AGXT2: variants seen among roughly 807,000 people sequenced by gnomAD.
AGXT2 encodes the protein alanine--glyoxylate aminotransferase 2, mitochondrial.
Under a neutral mutation model 62.5 loss-of-function variants are expected in AGXT2, and 61 were observed. The observed-to-expected ratio is 0.98, with a 90% CI of 0.79 to 1.21. The LOEUF is 1.21. Ranked by LOEUF, AGXT2 falls within the 50% of genes most tolerant of loss-of-function variation. The probability of loss-of-function intolerance (pLI) is 0.00; values close to 1 mark genes in which losing one functional copy is unlikely to be tolerated. For missense variants in AGXT2, 666 were observed against 641.5 expected (o/e 1.04, Z -0.41); for synonymous variants, 243 against 218.7 (o/e 1.11, Z -0.98).
chr5:35,032,697 A>G, intron 7 of AGXT2, 35 bp downstream of exon 7: 1 of 1,551,950 alleles, frequency 6.4e-7, no homozygotes, highest in East Asian at 2.3e-5. Context: ...TCCAACTTCC[A>G]ACACTCCACT....
intron 10 of AGXT2, among the ~76,000 whole-genome samples, chr5:35,013,643 G>A (rs1233882652): frequency 2.0e-5 from 3 of 152,136 alleles, no homozygotes; most frequent in African/African-American, 7.2e-5. Flanking sequence ...TTAGCTGGGC[G>A]TGGTGGTGCG....
intron 12 of AGXT2, among the ~76,000 whole-genome samples, chr5:35,006,576 TTGA>T (rs1388562527): frequency 6.6e-6 from 1 of 152,112 alleles, no homozygotes; most frequent in East Asian, 1.9e-4. Flanking sequence ...CACCAAGCCA[TTGA>T]TGAGGAATCC....
intron 7 of AGXT2, among the ~76,000 whole-genome samples, chr5:35,029,887 T>C (rs1767496709): frequency 6.6e-6 from 1 of 152,044 alleles, no homozygotes; most frequent in Non-Finnish European, 1.5e-5. Flanking sequence ...ACATCTAGAT[T>C]AGACTCACAA....
chr5:35,039,638 C>A, intron 2 of AGXT2, 130 bp from the exon 3 acceptor site: 4 of 874,718 alleles, frequency 4.6e-6, no homozygotes, highest in Non-Finnish European at 5.4e-6. Context: ...CTCAGAAGTG[C>A]GTGTACTTAC....
chr5:35,035,804 C>T (rs1014961173), intron 4 of AGXT2, among the ~76,000 whole-genome samples: 13 of 152,118 alleles, frequency 8.5e-5, no homozygotes, highest in African/African-American at 2.2e-4. Flanking sequence ...AAGCCGGGTG[C>T]GGTGGCTCAC....
At position 35,040,615 on chromosome 5, in the gene AGXT2, G is replaced by A. The variant is rs766323433; in HGVS notation, c.137C>T (p.Pro46Leu). 5.0e-6 allele frequency: 8 copies of A among 1,613,966 alleles called. No individual in the cohort carries two copies. The South Asian group carries it at 6.6e-5, about 13-fold the overall frequency. The change falls in exon 2 of 14, where the codon CCC (proline) becomes CTC (leucine). Residue 46 changes from proline to leucine, a missense_variant. By Grantham distance (98) the Pro-to-Leu change is moderately conservative (BLOSUM62 -3). Transcript: ENST00000231420. ...SVTKLSLHTK[P>L]RMPPCDFMPE... ...CATGAAGTCACATGGAGGCATTCTG[G>A]GCTTTGTATGAAGACTGAGCTTGGT...
At position 35,032,251 on chromosome 5, in the gene AGXT2, C is replaced by T. The variant is rs773037292; in HGVS notation, c.769+481G>A. On this transcript the variant is annotated intron_variant, in intron 7 of 13. Coordinates refer to ENST00000231420, the MANE Select transcript of AGXT2 (RefSeq NM_031900.4). ...ATAGCTGTCAGCCACCATGCCCCGC[C>T]GGGCCTTGCTCTTTCATGCAGGCTG... 8.6e-5 allele frequency among the ~76,000 whole-genome samples: 13 copies of T among 151,824 alleles called. No individual in the cohort carries two copies. The South Asian group carries it at 1.7e-3, about 20-fold the overall frequency.
intron 9 of AGXT2, among the ~76,000 whole-genome samples, chr5:35,024,240 GCTGGACAGA>G (rs1767236785): frequency 6.6e-6 from 1 of 152,060 alleles, no homozygotes; most frequent in African/African-American, 2.4e-5. Flanking sequence ...AGCAATGATG[GCTGGACAGA>G]AATAGGTGTG....
At position 35,039,524 on chromosome 5, in the gene AGXT2, A is replaced by T. The variant is rs1478587831; in HGVS notation, c.178-16T>A. ...AGCCAAGGGACTGTAGATAAACAAG[A>T]TTTAAACCCACACACTTCTTACAAG... On this transcript the variant is annotated splice_polypyrimidine_tract_variant and intron_variant, in intron 2 of 13. Coordinates refer to ENST00000231420, the MANE Select transcript of AGXT2 (RefSeq NM_031900.4). 1.2e-6 allele frequency: 2 copies of T among 1,611,932 alleles called. No homozygotes were observed. The highest frequency in any genetic ancestry group is 1.1e-5 in the South Asian group (1 of 90,954).
intron 1 of AGXT2, among the ~76,000 whole-genome samples, chr5:35,043,186 T>A (rs539383950): frequency 1.3e-5 from 2 of 152,280 alleles, no homozygotes; most frequent in Non-Finnish European, 2.9e-5. Flanking sequence ...AAAATCAAAT[T>A]TTTTTGGCAT....
chr5:35,018,019 G>T (rs1426338422), intron 9 of AGXT2, among the ~76,000 whole-genome samples: 2 of 152,112 alleles, frequency 1.3e-5, no homozygotes, highest in Non-Finnish European at 1.5e-5. Flanking sequence ...GGGAAGTTTA[G>T]AGAAAAAAGA....
intron 13 of AGXT2, among the ~76,000 whole-genome samples, chr5:35,003,181 C>T (rs1410410455): frequency 6.6e-6 from 1 of 152,132 alleles, no homozygotes; most frequent in Non-Finnish European, 1.5e-5. Flanking sequence ...CTCTGAATCT[C>T]CCAGCCTAAG....
intron 1 of AGXT2, among the ~76,000 whole-genome samples, chr5:35,046,175 C>A (rs1189213238): frequency 6.6e-6 from 1 of 152,144 alleles, no homozygotes; most frequent in East Asian, 1.9e-4. Context: ...CTCACCTGCC[C>A]TCTCTAGGTT....
chr5:35,030,808 G>C (rs1767535401), intron 7 of AGXT2, among the ~76,000 whole-genome samples: 1 of 152,140 alleles, frequency 6.6e-6, no homozygotes, highest in Non-Finnish European at 1.5e-5. Context: ...GTCAGACCAG[G>C]GTCTGGGAGG....
In AGXT2 at chr5:35,010,088, T is replaced by C; in HGVS notation, c.1250A>G (p.Lys417Arg). ...SQEVGTYMLLKFAKLRDEFEI... is the reference protein window; with the variant it reads ...SQEVGTYMLLRFAKLRDEFEI... ...AAATTCATCCCGCAGCTTAGCAAAC[T>C]TTAGTAACATGTAGGTCCCAACTTC... is the stretch of plus-strand genomic sequence containing the variant. Residue 417 changes from lysine to arginine, a missense_variant, in exon 12 of 14, where the codon AAG becomes AGG. Transcript: ENST00000231420. The C allele has an allele frequency of 6.2e-7, 1 of 1,614,222 alleles. No individual in the cohort carries two copies. Among genetic ancestry groups the C allele is most frequent in the Non-Finnish European group, 8.5e-7 (1 of 1,180,036 alleles).
Position 35,025,762 on chromosome 5 carries a change from C to T in AGXT2, c.963+1G>A, listed in dbSNP as rs1767312576. 1.9e-6 allele frequency: 3 copies of T among 1,614,106 alleles called. No individual in the cohort carries two copies. Among genetic ancestry groups the T allele is most frequent in the South Asian group, 1.1e-5 (1 of 91,072 alleles). Reference sequence around the variant, plus strand: ...CAATGGCACCCTTACATGCCACTTACTTCATCTGCAATGCACACGCCTCCC... The same window carrying T: ...CAATGGCACCCTTACATGCCACTTATTTCATCTGCAATGCACACGCCTCCC... On this transcript the variant is annotated splice_donor_variant, in intron 9 of 13. Transcript: ENST00000231420. LOFTEE classifies it high-confidence loss of function.
intron 5 of AGXT2, among the ~76,000 whole-genome samples, chr5:35,034,581 A>G (rs1037373253): frequency 3.3e-5 from 5 of 152,208 alleles, no homozygotes; most frequent in Non-Finnish European, 7.3e-5. Flanking sequence ...GTCTGTTTAA[A>G]TATGCTGTAT....
In AGXT2 at chr5:35,026,905, T is replaced by C. The variant is rs984887069; in HGVS notation, c.770-395A>G. On this transcript the variant is annotated intron_variant, in intron 7 of 13. Transcript: ENST00000231420. ...GCGATTTAATTTATTTGAAAATAACTCTATTTACCTTTCATTGCCATTTAA... is the reference window on the plus strand; with the variant it reads ...GCGATTTAATTTATTTGAAAATAACCCTATTTACCTTTCATTGCCATTTAA... 1.1e-5 allele frequency: 11 copies of C among 985,010 alleles called. No individual in the cohort carries two copies. In the African/African-American group the frequency reaches 1.9e-4, roughly 17 times the overall value. The allele number at this position is 985,010 out of a possible 1,614,324, so 61.0% of individuals were successfully genotyped here. A position where few individuals can be genotyped will look rare whatever the true frequency, so the allele number is the denominator to read the frequency against.
At chr5:35,010,548 T>A (rs4703491) in intron 11 of AGXT2, among the ~76,000 whole-genome samples, 1 of 151,492 alleles carries the variant, frequency 6.6e-6, no homozygotes, top group African/African-American at 2.4e-5. Context: ...AGCAGGGCTC[T>A]GTGGGGGGCG....
Sources: gnomAD v4.1 joint callset for allele counts (sites outside exome capture counted in the v4.1 genomes callset) on GRCh38, gnomAD v4.1.1 for gene constraint, MANE v1.5 for transcripts, NCBI Gene and HGNC (gene_info 2026-07-23, HGNC 2026-07-21) for gene names.